Variants in ADGRB3 observed in about 807,000 individuals in gnomAD.
ADGRB3 encodes adhesion G protein-coupled receptor B3.
Under a neutral mutation model 193.4 loss-of-function variants are expected in ADGRB3, and 37 were observed. The ratio of observed to expected loss-of-function variants is 0.19; its 90% CI spans 0.15 to 0.25. The LOEUF (loss-of-function observed/expected upper bound fraction) is 0.25. Ranked by LOEUF, ADGRB3 falls within the 10% of genes least tolerant of loss-of-function variation. The pLI is 1.00. For synonymous variants in ADGRB3, 690 were observed against 644.2 expected (o/e 1.07, Z -1.08); for missense variants, 1,637 against 1,852.9 (o/e 0.88, Z 2.14).
chr6:68,636,223 G>A (rs889253759), intron 1 of ADGRB3, among the ~76,000 whole-genome samples: 8 of 152,024 alleles, frequency 5.3e-5, no homozygotes, highest in African/African-American at 1.5e-4. Context: ...AGGAATAAGC[G>A]GAGAGACCTA....
At chr6:69,070,420 A>T (rs1370016830) in intron 16 of ADGRB3, among the ~76,000 whole-genome samples, 1 of 152,212 alleles carries the variant, frequency 6.6e-6, no homozygotes, top group African/African-American at 2.4e-5. Context: ...TTCTTAAATC[A>T]GGGTAATGAA....
intron 8 of ADGRB3, among the ~76,000 whole-genome samples, chr6:68,965,799 G>T (rs533322480): frequency 1.3e-5 from 2 of 152,138 alleles, no homozygotes; most frequent in Non-Finnish European, 2.9e-5. Context: ...GGCATACAAA[G>T]AGAGAATCCT....
intron 3 of ADGRB3, among the ~76,000 whole-genome samples, chr6:68,810,577 A>C (rs563823267): frequency 5.3e-5 from 8 of 152,198 alleles, no homozygotes; most frequent in Non-Finnish European, 1.2e-4. Flanking sequence ...TCCAGGTCTT[A>C]GTTTTCTCCT....
intron 7 of ADGRB3, 139 bp downstream of exon 7, chr6:68,956,327 GTATACA>G: frequency 1.2e-6 from 1 of 855,628 alleles, no homozygotes; most frequent in African/African-American, 1.7e-5. Context: ...GTGTGTGTGT[GTATACA>G]TGTATTTATT....
intron 13 of ADGRB3, among the ~76,000 whole-genome samples, chr6:69,043,339 A>AG (rs1771144028): frequency 6.6e-6 from 1 of 151,400 alleles, no homozygotes; most frequent in Non-Finnish European, 1.5e-5. Flanking sequence ...AAAGAGAAAG[A>AG]AAAGAAGATT....
intron 17 of ADGRB3, among the ~76,000 whole-genome samples, chr6:69,112,864 T>C (rs1362264865): frequency 6.6e-6 from 1 of 152,056 alleles, no homozygotes; most frequent in Non-Finnish European, 1.5e-5. Context: ...TTAAAGCGAT[T>C]CTCCTGCCTC....
At chr6:68,967,981 G>C (rs1262917023) in intron 8 of ADGRB3, among the ~76,000 whole-genome samples, 2 of 152,110 alleles carry the variant, frequency 1.3e-5, no homozygotes, top group Non-Finnish European at 2.9e-5. Context: ...GAAGAAGGGT[G>C]GAGAAGGCCT....
chr6:68,877,877 T>C (rs7750654), intron 3 of ADGRB3, among the ~76,000 whole-genome samples: 1,698 of 152,172 alleles, frequency 0.011, 50 homozygotes, highest in African/African-American at 0.039. Context: ...CTATCTTGTT[T>C]TCTTTTTTTA....
At chr6:68,889,020 A>G (rs1459960604) in intron 3 of ADGRB3, among the ~76,000 whole-genome samples, 1 of 152,224 alleles carries the variant, frequency 6.6e-6, no homozygotes, top group Non-Finnish European at 1.5e-5. Flanking sequence ...GCTTTCAGAC[A>G]TACTTGTGTT....
intron 3 of ADGRB3, among the ~76,000 whole-genome samples, chr6:68,821,587 T>TA (rs952084724): frequency 6.2e-4 from 92 of 148,964 alleles, no homozygotes; most frequent in Middle Eastern, 3.4e-3. Flanking sequence ...TTTGTTTCTA[T>TA]AAAAAAAAAA....
chr6:69,074,792 T>C (rs940660105), intron 16 of ADGRB3, among the ~76,000 whole-genome samples: 1 of 151,998 alleles, frequency 6.6e-6, no homozygotes, highest in Non-Finnish European at 1.5e-5. Flanking sequence ...TGATCTGCCC[T>C]CCTTGGCCTC....
At chr6:69,279,030 C>T (rs1767361469) in intron 20 of ADGRB3, among the ~76,000 whole-genome samples, 1 of 141,144 alleles carries the variant, frequency 7.1e-6, no homozygotes, top group African/African-American at 2.6e-5. Context: ...GAATTCACTT[C>T]TCACTTCCTC....
At chr6:68,972,612 G>T (rs1768609717) in intron 8 of ADGRB3, among the ~76,000 whole-genome samples, 1 of 152,156 alleles carries the variant, frequency 6.6e-6, no homozygotes, top group Non-Finnish European at 1.5e-5. Context: ...TAACTCATAG[G>T]TGCTAACTCG....
At chr6:68,691,388 A>C (rs1198313573) in intron 3 of ADGRB3, among the ~76,000 whole-genome samples, 3 of 152,004 alleles carry the variant, frequency 2.0e-5, no homozygotes, top group African/African-American at 7.2e-5. Flanking sequence ...TTGATAGATG[A>C]ATGTGTAGTG....
At chr6:69,333,148 A>T in intron 24 of ADGRB3, 140 bp downstream of exon 24, 1 of 943,682 alleles carries the variant, frequency 1.1e-6, no homozygotes, top group South Asian at 2.0e-5. Flanking sequence ...TCTGCTATAT[A>T]AAAGTTTCCA....
At chr6:68,832,354 A>G (rs185826316) in intron 3 of ADGRB3, among the ~76,000 whole-genome samples, 2 of 152,070 alleles carry the variant, frequency 1.3e-5, no homozygotes, top group East Asian at 3.9e-4. Context: ...AAAGACACTT[A>G]TCATTTTTTT....
Position 69,184,190 on chromosome 6 carries a change from T to C in ADGRB3, c.2481-49100T>C, listed in dbSNP as rs540699838. ...TGTAGCAAGTCATAATTGAAATCAC[T>C]GACTCTTTATAGGCCCATCCATTAC... On this transcript the variant is annotated intron_variant, in intron 17 of 31. Transcript: ENST00000370598. Among the ~76,000 whole-genome samples the C allele has an allele frequency of 1.2e-4, 18 of 152,242 alleles. No individual in the cohort carries two copies. The East Asian group carries it at 2.5e-3, about 21-fold the overall frequency.
intron 29 of ADGRB3, among the ~76,000 whole-genome samples, chr6:69,365,058 G>A (rs1334239039): frequency 6.6e-6 from 1 of 152,094 alleles, no homozygotes; most frequent in Non-Finnish European, 1.5e-5. Flanking sequence ...TTAGCAGGTT[G>A]TAGAAGTTAG....
intron 13 of ADGRB3, among the ~76,000 whole-genome samples, chr6:69,040,307 C>T (rs1013801994): frequency 3.2e-5 from 3 of 94,806 alleles, no homozygotes; most frequent in East Asian, 6.0e-4. Flanking sequence ...CTTTCTCTGT[C>T]TCTTTCTTTC....
Sources: gnomAD v4.1 joint callset for allele counts (sites outside exome capture counted in the v4.1 genomes callset) on GRCh38, gnomAD v4.1.1 for gene constraint, MANE v1.5 for transcripts, NCBI Gene and HGNC (gene_info 2026-07-23, HGNC 2026-07-21) for gene names.